The following SRSF7 variants were observed in gnomAD, a reference collection of about 807,000 sequenced individuals.
SRSF7 encodes serine and arginine rich splicing factor 7.
In SRSF7, 15 loss-of-function variants were observed where a neutral mutation model predicts 42.2. That is an observed-to-expected ratio of 0.36 (90% CI 0.24 to 0.55). The LOEUF (loss-of-function observed/expected upper bound fraction) is 0.55. Ranked by LOEUF, SRSF7 falls within the 20% of genes least tolerant of loss-of-function variation. The pLI is 0.88. For synonymous variants in SRSF7, 138 were observed against 107.9 expected (o/e 1.28, Z -1.73); for missense variants, 181 against 305.9 (o/e 0.59, Z 3.04).
chr2:38,748,467 C>G (rs1384981588), intron 4 of SRSF7, 112 bp downstream of exon 4: 6 of 1,083,960 alleles, frequency 5.5e-6, no homozygotes, highest in East Asian at 2.4e-5. Context: ...TACTCCAGCC[C>G]GGGTGACAGA....
chr2:38,751,224 C>G lies in SRSF7; in HGVS notation c.28+5G>C, dbSNP rs375861688. 40 of 1,614,014 alleles carry G rather than the reference C, an allele frequency of 2.5e-5. No individual in the cohort carries two copies. In the African/African-American group the frequency reaches 4.7e-4, roughly 19 times the overall value. ...AACGTCCCTCACCGGACTCCAGCTT[C>G]TTACCTCCTCCGTACCGCCCGTAAC... On this transcript the variant is annotated splice_donor_5th_base_variant and intron_variant, in intron 1 of 7. Coordinates refer to ENST00000313117, the MANE Select transcript of SRSF7 (RefSeq NM_001031684.3).
Position 38,748,560 on chromosome 2 carries a change from C to T in SRSF7, c.461+19G>A, listed in dbSNP as rs1667829561. 1.2e-6 allele frequency: 2 copies of T among 1,610,558 alleles called. No homozygotes were observed. The highest frequency in any genetic ancestry group is 8.5e-7 in the Non-Finnish European group (1 of 1,176,988). On this transcript the variant is annotated intron_variant, in intron 4 of 7. Coordinates refer to ENST00000313117, the MANE Select transcript of SRSF7 (RefSeq NM_001031684.3). ...ATTTAATAATAATACAGAAAGACTTCAGTTAAACAAGATCTCACCTTCGTC... is the reference window on the plus strand; with the variant it reads ...ATTTAATAATAATACAGAAAGACTTTAGTTAAACAAGATCTCACCTTCGTC...
Position 38,744,562 on chromosome 2 carries a change from T to C in SRSF7, c.*571A>G. The C allele has an allele frequency of 6.6e-6, 1 of 152,484 alleles. No homozygotes were observed. Among genetic ancestry groups the C allele is most frequent in the Admixed American group, 6.5e-5 (1 of 15,318 alleles). The allele number at this position is 152,484 out of a possible 1,614,324, so 9.4% of individuals were successfully genotyped here. A position where few individuals can be genotyped will look rare whatever the true frequency, so the allele number is the denominator to read the frequency against. On this transcript the variant is annotated 3_prime_UTR_variant, in exon 8 of 8. Coordinates refer to ENST00000313117, the MANE Select transcript of SRSF7 (RefSeq NM_001031684.3). ...TTCCTGTCATGCTCATTTAGACACA[T>C]CAGTGGTCCTACTTGCTTCACCACT...
intron 4 of SRSF7, 58 bp from the exon 5 acceptor site, chr2:38,748,215 G>A: frequency 7.6e-7 from 1 of 1,317,452 alleles, no homozygotes; most frequent in Non-Finnish European, 1.1e-6. Flanking sequence ...GGCCTGTTAA[G>A]ACTTCAACTG....
rs562403715 is a variant in SRSF7, at chr2:38,748,210, G to C, written c.462-53C>G. 5.2e-6 allele frequency: 7 copies of C among 1,346,882 alleles called. No homozygotes were observed. In the African/African-American group the frequency reaches 7.4e-5, roughly 14 times the overall value. 83.4% of individuals were successfully genotyped at this position (1,346,882 alleles called of 1,614,324 possible). A position where few individuals can be genotyped will look rare whatever the true frequency, so the allele number is the denominator to read the frequency against. On this transcript the variant is annotated intron_variant, in intron 4 of 7. Transcript: ENST00000313117. ...CCACAGTTTTTTTTTTTTTTGGCCT[G>C]TTAAGACTTCAACTGGGGAACGGTG...
In SRSF7 at chr2:38,744,076, G is replaced by A; in HGVS notation, c.*1057C>T. ...TGCTACCAAAAAATATTAGCTACAT[G>A]GAGTGTTGCTAAATATAGCTGAGAT... On this transcript the variant is annotated 3_prime_UTR_variant, in exon 8 of 8. Coordinates refer to ENST00000313117, the MANE Select transcript of SRSF7 (RefSeq NM_001031684.3). The A allele has an allele frequency of 6.6e-6, 1 of 152,362 alleles. No individual in the cohort carries two copies. Among genetic ancestry groups the A allele is most frequent in the Non-Finnish European group, 1.5e-5 (1 of 68,042 alleles). The allele number at this position is 152,362 out of a possible 1,614,324, so 9.4% of individuals were successfully genotyped here.
intron 3 of SRSF7, chr2:38,749,147 G>T: frequency 1.5e-6 from 2 of 1,318,534 alleles, no homozygotes; most frequent in African/African-American, 1.5e-5. Context: ...TTACTGTTAC[G>T]GCGATCACCG....
intron 1 of SRSF7, among the ~76,000 whole-genome samples, chr2:38,750,454 C>G (rs1290055680): frequency 6.6e-6 from 1 of 151,868 alleles, no homozygotes; most frequent in Non-Finnish European, 1.5e-5. Flanking sequence ...GTAGGATACA[C>G]CGAGGCGTGG....
rs2148474684 is a variant in SRSF7 at position 38,745,193 on chromosome 2, A to G, written c.663-6T>C. On this transcript the variant is annotated splice_polypyrimidine_tract_variant and splice_region_variant and intron_variant, in intron 7 of 7. Transcript: ENST00000313117. ...GACTTCCTGATGGGGAACGACTAAA[A>G]AGAAAAACATTAGGTTTGGATCCAA... The G allele has an allele frequency of 1.2e-6, 2 of 1,614,162 alleles. No individual in the cohort carries two copies. The highest frequency in any genetic ancestry group is 4.5e-5 in the East Asian group (2 of 44,882).
At position 38,744,004 on chromosome 2, in the gene SRSF7, T is replaced by G; in HGVS notation, c.*1129A>C. ...CTACTATTCTTAAGATACTTAAAATTTGAATAAAGAACCTACTGGCTATGT... is the reference window on the plus strand; with the variant it reads ...CTACTATTCTTAAGATACTTAAAATGTGAATAAAGAACCTACTGGCTATGT... On this transcript the variant is annotated 3_prime_UTR_variant, in exon 8 of 8. Coordinates refer to ENST00000313117, the MANE Select transcript of SRSF7 (RefSeq NM_001031684.3). 6 of 152,266 alleles carry G rather than the reference T, an allele frequency of 3.9e-5. No homozygotes were observed. The highest frequency in any genetic ancestry group is 2.1e-4 in the South Asian group (1 of 4,826). The allele number at this position is 152,266 out of a possible 1,614,324, so 9.4% of individuals were successfully genotyped here.
At position 38,744,919 on chromosome 2, in the gene SRSF7, G is replaced by C; in HGVS notation, c.*214C>G. The C allele has an allele frequency of 2.2e-6, 1 of 460,062 alleles. No homozygotes were observed. Among genetic ancestry groups the C allele is most frequent in the Non-Finnish European group, 3.8e-6 (1 of 261,260 alleles). 28.5% of individuals were successfully genotyped at this position (460,062 alleles called of 1,614,324 possible). A position where few individuals can be genotyped will look rare whatever the true frequency, so the allele number is the denominator to read the frequency against. ...CTAGTTAGAAACATTTTATTTAAAT[G>C]TGCCAAATAAAAACCCACATTTTCA... On this transcript the variant is annotated 3_prime_UTR_variant, in exon 8 of 8. Coordinates refer to ENST00000313117, the MANE Select transcript of SRSF7 (RefSeq NM_001031684.3).
chr2:38,746,122 G>A, intron 7 of SRSF7, 22 bp downstream of exon 7: 1 of 1,613,964 alleles, frequency 6.2e-7, no homozygotes, highest in Non-Finnish European at 8.5e-7. Flanking sequence ...GGCAAGATTT[G>A]GCAACAAAAC....
chr2:38,749,122 A>C, intron 3 of SRSF7: 2 of 1,316,828 alleles, frequency 1.5e-6, no homozygotes, highest in Non-Finnish European at 2.0e-6. Context: ...GGGGGGCCCC[A>C]ATTGTAAGCC....
At chr2:38,750,904 T>TGGC (rs1226880994) in intron 1 of SRSF7, 9 of 357,530 alleles carry the variant, frequency 2.5e-5, no homozygotes, top group Non-Finnish European at 4.8e-5. Context: ...GTGCGCAAAA[T>TGGC]GGCAGCCGCC....
chr2:38,750,497 C>T (rs1003023182), intron 1 of SRSF7, among the ~76,000 whole-genome samples: 4 of 151,790 alleles, frequency 2.6e-5, no homozygotes, highest in Non-Finnish European at 5.9e-5. Context: ...CCCATGAGTC[C>T]CGGCAGCCCC....
Position 38,744,504 on chromosome 2 carries a change from CT to C in SRSF7, c.*628del. On this transcript the variant is annotated 3_prime_UTR_variant, in exon 8 of 8. Transcript: ENST00000313117. The stretch of plus-strand genomic sequence containing the variant: ...GTATAAAGATCATCCAGAAATGTTT[CT>C]ATTTCTCATACATTTAATCAGTTTC... 2.7e-5 allele frequency: 4 copies of C among 149,992 alleles called. No homozygotes were observed. The highest frequency in any genetic ancestry group is 9.9e-5 in the African/African-American group (4 of 40,532). 9.3% of individuals were successfully genotyped at this position (149,992 alleles called of 1,614,324 possible).
In SRSF7 at chr2:38,751,306, G is replaced by T; in HGVS notation, c.-50C>A. On this transcript the variant is annotated 5_prime_UTR_variant, in exon 1 of 8. Coordinates refer to ENST00000313117, the MANE Select transcript of SRSF7 (RefSeq NM_001031684.3). ...CTTTAGCAAGCAGCGCCCAGGGCTCGAGTGACGCAAAAGCTGACACACACC... is the reference window on the plus strand; with the variant it reads ...CTTTAGCAAGCAGCGCCCAGGGCTCTAGTGACGCAAAAGCTGACACACACC... The T allele has an allele frequency of 6.2e-7, 1 of 1,613,346 alleles. No homozygotes were observed. The highest frequency in any genetic ancestry group is 8.5e-7 in the Non-Finnish European group (1 of 1,179,724).
At chr2:38,750,220 T>C (rs778496271) in intron 1 of SRSF7, 26 bp from the exon 2 acceptor site, 31 of 1,573,508 alleles carry the variant, frequency 2.0e-5, no homozygotes, top group Non-Finnish European at 2.4e-5. Flanking sequence ...AATAGAAGAA[T>C]GCACGTTACG....
intron 5 of SRSF7, 143 bp downstream of exon 5, chr2:38,747,904 T>TG: frequency 1.8e-6 from 1 of 568,444 alleles, no homozygotes; most frequent in South Asian, 2.7e-5. Flanking sequence ...GGTTAATATT[T>TG]ATGTTACAAG....
Sources: allele counts gnomAD v4.1 joint callset (sites outside exome capture counted in the v4.1 genomes callset), GRCh38; gene constraint gnomAD v4.1.1; transcripts MANE v1.5; gene names NCBI Gene and HGNC (gene_info 2026-07-23, HGNC 2026-07-21).